FGD3: variants seen among roughly 807,000 people sequenced by gnomAD.
The protein encoded by FGD3 is FYVE, RhoGEF and PH domain-containing protein 3.
FGD3 carries 45 observed loss-of-function variants against 71.8 expected under a neutral mutation model. The ratio of observed to expected loss-of-function variants is 0.63; its 90% CI spans 0.49 to 0.80. The LOEUF (loss-of-function observed/expected upper bound fraction) is 0.80. FGD3 is among the 30% of genes least tolerant of loss of function. The pLI, the probability that FGD3 is intolerant of heterozygous loss-of-function variation, is 0.00. For missense variants in FGD3, 844 were observed against 951.5 expected, an observed-to-expected ratio of 0.89 and a Z score of 1.49; for synonymous variants, 378 against 392.8, an observed-to-expected ratio of 0.96 and a Z score of 0.44.
At chr9:92,966,074 G>A (rs1859314643) in intron 1 of FGD3, among the ~76,000 whole-genome samples, 1 of 152,218 alleles carries the variant, frequency 6.6e-6, no homozygotes. Flanking sequence ...CGGTCGGGAA[G>A]GAAACAGGAT....
chr9:93,016,055 G>C (rs1861671626), intron 10 of FGD3, among the ~76,000 whole-genome samples: 1 of 152,156 alleles, frequency 6.6e-6, no homozygotes, highest in South Asian at 2.1e-4. Flanking sequence ...CACCTGCCAC[G>C]TTGCTGCCAA....
chr9:92,968,125 C>T (rs1227757210), intron 1 of FGD3, among the ~76,000 whole-genome samples: 2 of 152,116 alleles, frequency 1.3e-5, no homozygotes, highest in African/African-American at 2.4e-5. Flanking sequence ...GAAAAGCTGC[C>T]GCATCCTTGG....
Position 93,018,188 on chromosome 9 carries a change from G to GA in FGD3, c.1333dup (p.Arg445LysfsTer45). The GA allele has an allele frequency of 3.1e-6, 5 of 1,613,896 alleles. No individual in the cohort carries two copies. The highest frequency in any genetic ancestry group is 3.4e-6 in the Non-Finnish European group (4 of 1,179,812). ...GCACATACATTCATCATAACAGGAAGAAAAAGGTCCCTGGAGCTGCAGACG... is the reference window on the plus strand; with the variant it reads ...GCACATACATTCATCATAACAGGAAGAAAAAAGGTCCCTGGAGCTGCAGACG... On this transcript the variant is annotated frameshift_variant, in exon 11 of 18. Coordinates refer to ENST00000375482, the MANE Select transcript of FGD3 (RefSeq NM_001083536.2). LOFTEE classifies it high-confidence loss of function.
In FGD3 at chr9:93,010,305, G is replaced by A. The variant is rs771672283; in HGVS notation, c.897G>A (p.Arg299=). ...ACCACATGCTGGAGCCCGTGCAGAG[G>A]GTCCCCCGGTACGAGCTGCTGCTCA... ...LQHHMLEPVQ[R]VPRYELLLKD... Residue 299 remains arginine (R), a synonymous_variant, in exon 7 of 18, where the codon AGG becomes AGA. Transcript: ENST00000375482. The A allele has an allele frequency of 2.3e-5, 37 of 1,613,758 alleles. No individual in the cohort carries two copies. In the East Asian group the frequency reaches 2.5e-4, roughly 11 times the overall value.
At chr9:93,032,439 G>T in intron 15 of FGD3, 1 of 266,728 alleles carries the variant, frequency 3.7e-6, no homozygotes, top group South Asian at 7.4e-5. Context: ...TTATGAATTT[G>T]ATTTGCGTTT....
intron 13 of FGD3, among the ~76,000 whole-genome samples, chr9:93,021,252 C>T (rs1025345714): frequency 8.5e-5 from 13 of 152,194 alleles, no homozygotes; most frequent in African/African-American, 3.1e-4. Flanking sequence ...CATCTCACTC[C>T]CCATCCTCAC....
chr9:92,955,729 C>T (rs987503164), intron 1 of FGD3, among the ~76,000 whole-genome samples: 7 of 152,224 alleles, frequency 4.6e-5, no homozygotes, highest in Non-Finnish European at 7.3e-5. Flanking sequence ...TTGATGTCCA[C>T]CTGCTCCCTG....
intron 1 of FGD3, among the ~76,000 whole-genome samples, chr9:92,952,565 GC>G (rs1001549260): frequency 3.3e-5 from 5 of 151,582 alleles, no homozygotes; most frequent in Admixed American, 2.0e-4. Flanking sequence ...AAAGCTGAAG[GC>G]CCCCCCATCC....
intron 1 of FGD3, among the ~76,000 whole-genome samples, chr9:92,949,462 A>G (rs779090516): frequency 1.3e-5 from 2 of 151,992 alleles, no homozygotes; most frequent in African/African-American, 4.8e-5. Flanking sequence ...CCATTTCCTC[A>G]TCATCCCTGC....
intron 17 of FGD3, among the ~76,000 whole-genome samples, chr9:93,035,006 G>A (rs1359446465): frequency 6.6e-6 from 1 of 152,186 alleles, no homozygotes; most frequent in South Asian, 2.1e-4. Context: ...TGGAGCCCCA[G>A]TTGCTACTCT....
rs559400637 is a variant in FGD3, at chr9:93,004,549, C to G, written c.680+412C>G. 7.9e-5 allele frequency among the ~76,000 whole-genome samples: 12 copies of G among 152,304 alleles called. No homozygotes were observed. The South Asian group carries it at 2.3e-3, about 29-fold the overall frequency. Reference sequence around the variant, plus strand: ...GGACCTCAGATCCTCCTCCTGCTGTCCCTGTGGCCTGTCCCTCTGTCCCAC... The same window carrying G: ...GGACCTCAGATCCTCCTCCTGCTGTGCCTGTGGCCTGTCCCTCTGTCCCAC... On this transcript the variant is annotated intron_variant, in intron 5 of 17. Transcript: ENST00000375482.
At chr9:93,002,645 CAGA>C (rs1278284230) in intron 3 of FGD3, among the ~76,000 whole-genome samples, 3 of 152,146 alleles carry the variant, frequency 2.0e-5, no homozygotes, top group South Asian at 2.1e-4. Context: ...TGTCTCTGAG[CAGA>C]AGGAGGGCCG....
chr9:93,008,413 C>T (rs867918226), intron 6 of FGD3, among the ~76,000 whole-genome samples: 1 of 152,196 alleles, frequency 6.6e-6, no homozygotes, highest in Non-Finnish European at 1.5e-5. Context: ...TTGTATTTGT[C>T]CTCTTGGGTC....
intron 14 of FGD3, among the ~76,000 whole-genome samples, chr9:93,022,770 T>C (rs1861973630): frequency 6.6e-6 from 1 of 152,070 alleles, no homozygotes; most frequent in Non-Finnish European, 1.5e-5. Context: ...ATAAAGCATG[T>C]ATTAACAGTG....
At chr9:92,981,721 A>G (rs1364552093) in intron 3 of FGD3, among the ~76,000 whole-genome samples, 1 of 152,066 alleles carries the variant, frequency 6.6e-6, no homozygotes, top group African/African-American at 2.4e-5. Context: ...AGGAGCGCTG[A>G]GGTTTGGTGC....
At chr9:93,013,592 A>G (rs899627819) in intron 8 of FGD3, among the ~76,000 whole-genome samples, 28 of 152,328 alleles carry the variant, frequency 1.8e-4, no homozygotes, top group African/African-American at 6.7e-4. Flanking sequence ...TAAAACATGT[A>G]TCATGTAGAA....
At chr9:92,999,921 A>C (rs1000184867) in intron 3 of FGD3, among the ~76,000 whole-genome samples, 1 of 151,894 alleles carries the variant, frequency 6.6e-6, no homozygotes, top group African/African-American at 2.4e-5. Context: ...GGGAAGTTTA[A>C]TCCATTTACA....
Position 93,012,698 on chromosome 9 carries a change from G to T in FGD3, c.1036-1154G>T, listed in dbSNP as rs567958182. 1.3e-3 allele frequency among the ~76,000 whole-genome samples: 187 copies of T among 138,718 alleles called. 9 individuals are homozygous for T. Among genetic ancestry groups the T allele is most frequent in the South Asian group, 6.6e-3 (27 of 4,062 alleles). 91.0% of individuals were successfully genotyped at this position (138,718 alleles called of 152,430 possible). On this transcript the variant is annotated intron_variant, in intron 8 of 17. Coordinates refer to ENST00000375482, the MANE Select transcript of FGD3 (RefSeq NM_001083536.2). ...GGTGTGGGCGGTGGCGGGGTGTGGGGGGGGGAAGAATCAATCTACATAGAA... is the reference window on the plus strand; with the variant it reads ...GGTGTGGGCGGTGGCGGGGTGTGGGTGGGGGAAGAATCAATCTACATAGAA...
chr9:93,026,789 C>T (rs1862130118), intron 14 of FGD3, among the ~76,000 whole-genome samples: 1 of 152,250 alleles, frequency 6.6e-6, no homozygotes, highest in Non-Finnish European at 1.5e-5. Context: ...CCCTGCTGCC[C>T]CCTGCCCCAT....
Sources: gnomAD v4.1 joint callset for allele counts (sites outside exome capture counted in the v4.1 genomes callset) on GRCh38, gnomAD v4.1.1 for gene constraint, MANE v1.5 for transcripts, NCBI Gene and HGNC (gene_info 2026-07-23, HGNC 2026-07-21) for gene names.